The following SLC37A2 variants were observed in gnomAD, a reference collection of about 807,000 sequenced individuals.
SLC37A2 encodes the protein solute carrier family 37 member 2, also known as glucose-6-phosphate exchanger SLC37A2.
In SLC37A2, 59 loss-of-function variants were observed where a neutral mutation model predicts 70.7. The observed-to-expected ratio is 0.83, with a 90% CI of 0.68 to 1.04. The LOEUF is 1.04. SLC37A2 is among the 50% of genes least tolerant of loss of function. SLC37A2 has a pLI of 0.00. For synonymous variants in SLC37A2, 257 were observed against 262.1 expected (o/e 0.98, Z 0.19); for missense variants, 580 against 658.1 (o/e 0.88, Z 1.30).
intron 14 of SLC37A2, 102 bp downstream of exon 14, chr11:125,085,241 G>C (rs1296067879): frequency 7.3e-7 from 1 of 1,365,294 alleles, no homozygotes; most frequent in African/African-American, 1.4e-5. Context: ...CCGCAGAGGA[G>C]AAACCGTCAA....
chr11:125,080,512 T>C lies in SLC37A2; in HGVS notation c.528-102T>C. 8.6e-7 allele frequency: 1 copy of C among 1,165,280 alleles called. No homozygotes were observed. The highest frequency in any genetic ancestry group is 1.1e-6 in the Non-Finnish European group (1 of 879,540). 72.2% of individuals were successfully genotyped at this position (1,165,280 alleles called of 1,614,324 possible). On this transcript the variant is annotated intron_variant, in intron 6 of 17. Coordinates refer to ENST00000403796, the MANE Select transcript of SLC37A2 (RefSeq NM_001145290.2). The surrounding 1 kb of genome is among the most constrained non-coding windows in gnomAD (Gnocchi z 4.3). ...GCTGTCTTTGGTGCCTCGGGGAAGC[T>C]GTAGTCAGCCCAGCTTTAGAGCTTG...
intron 17 of SLC37A2, chr11:125,087,569 T>C (rs6590126): frequency 0.55 from 83,995 of 153,004 alleles, 23,622 homozygotes; most frequent in Middle Eastern, 0.62. Flanking sequence ...ATAAATGGGA[T>C]ATGTGATATT....
In SLC37A2 at chr11:125,077,540, G is replaced by T; in HGVS notation, c.314+12G>T. Reference sequence around the variant, plus strand: ...GGCATGTTCATCAGGTAAGGACAGAGGCTGAGCCTATGACCAAGAGGAGGA... The same window carrying T: ...GGCATGTTCATCAGGTAAGGACAGATGCTGAGCCTATGACCAAGAGGAGGA... On this transcript the variant is annotated intron_variant, in intron 4 of 17. Coordinates refer to ENST00000403796, the MANE Select transcript of SLC37A2 (RefSeq NM_001145290.2). 1 of 1,610,080 alleles carries T rather than the reference G, an allele frequency of 6.2e-7. No individual in the cohort carries two copies. The highest frequency in any genetic ancestry group is 8.5e-7 in the Non-Finnish European group (1 of 1,177,322).
At chr11:125,082,377 C>A in intron 10 of SLC37A2, 43 bp downstream of exon 10, 1 of 1,569,902 alleles carries the variant, frequency 6.4e-7, no homozygotes, top group Non-Finnish European at 8.8e-7. Flanking sequence ...CTGAGGAGGC[C>A]AAGGCTGCCT....
rs187873132 is a variant in SLC37A2, at chr11:125,085,819, C to T, written c.1426-135C>T. ...TTGCTCAGAAGCACTCTCCCTCCCCCGAGTGACCCCTTGCCAAGTGGCAGC... is the reference window on the plus strand; with the variant it reads ...TTGCTCAGAAGCACTCTCCCTCCCCTGAGTGACCCCTTGCCAAGTGGCAGC... On this transcript the variant is annotated intron_variant, in intron 16 of 17. Transcript: ENST00000403796. The T allele has an allele frequency of 1.1e-4, 140 of 1,227,282 alleles. 1 individual carries two copies. Among genetic ancestry groups the T allele is most frequent in the South Asian group, 7.0e-4 (55 of 78,184 alleles). 76.0% of individuals were successfully genotyped at this position (1,227,282 alleles called of 1,614,324 possible).
Position 125,079,731 on chromosome 11 carries a change from C to G in SLC37A2, c.498C>G (p.Thr166=). The change falls in exon 6 of 18, where the codon ACC becomes ACG. Residue 166 remains threonine, a synonymous_variant. Transcript: ENST00000403796. The part of the protein sequence containing the change: ...VQTTGWPSVV[T]CVGNWFGKGK... ...CCACAGGCTGGCCCTCTGTGGTGAC[C>G]TGTGTTGGCAACTGGTTCGGGAAGG... 6.2e-7 allele frequency: 1 copy of G among 1,610,298 alleles called. No individual in the cohort carries two copies. The highest frequency in any genetic ancestry group is 1.1e-5 in the South Asian group (1 of 90,020).
intron 1 of SLC37A2, among the ~76,000 whole-genome samples, chr11:125,072,159 T>TTTTG (rs770000685): frequency 6.6e-6 from 1 of 151,902 alleles, no homozygotes; most frequent in Non-Finnish European, 1.5e-5. Context: ...CTTTTGGGGG[T>TTTTG]TTTGTTTGTT....
In SLC37A2 at chr11:125,089,600, G is replaced by A. The variant is rs560766983; in HGVS notation, c.*1466G>A. ...GGGCCTGCACTCGGAGCAGCCGGCC[G>A]GCCCTTCCGGCCCCGGGCAGTGAGG... On this transcript the variant is annotated 3_prime_UTR_variant, in exon 18 of 18. Transcript: ENST00000403796. 129 of 153,376 alleles carry A rather than the reference G, an allele frequency of 8.4e-4. 2 individuals carry two copies. The South Asian group carries it at 0.025, about 30-fold the overall frequency. 9.5% of individuals were successfully genotyped at this position (153,376 alleles called of 1,614,324 possible). A position where few individuals can be genotyped will look rare whatever the true frequency, so the allele number is the denominator to read the frequency against.
intron 1 of SLC37A2, among the ~76,000 whole-genome samples, chr11:125,065,974 A>T (rs1374720356): frequency 6.6e-6 from 1 of 152,230 alleles, no homozygotes; most frequent in African/African-American, 2.4e-5. Context: ...AGAAAATAGA[A>T]CACTATATCA....
chr11:125,084,756 G>C (rs4936976), intron 12 of SLC37A2, 69 bp from the exon 13 acceptor site: 1,147,485 of 1,533,056 alleles, frequency 0.75, 433,761 homozygotes, highest in East Asian at 0.97. Flanking sequence ...GATGGTTGTT[G>C]CAGACCTCAG....
intron 1 of SLC37A2, among the ~76,000 whole-genome samples, chr11:125,073,525 C>T (rs1356481386): frequency 6.6e-6 from 1 of 152,242 alleles, no homozygotes; most frequent in African/African-American, 2.4e-5. Context: ...CTGGTCTGAA[C>T]ATTGGAAGCA....
chr11:125,088,375 G>A lies in SLC37A2; in HGVS notation c.*241G>A. 1 of 570,312 alleles carries A rather than the reference G, an allele frequency of 1.8e-6. No homozygotes were observed. The highest frequency in any genetic ancestry group is 3.1e-6 in the Non-Finnish European group (1 of 321,110). The allele number at this position is 570,312 out of a possible 1,614,324, so 35.3% of individuals were successfully genotyped here. A position where few individuals can be genotyped will look rare whatever the true frequency, so the allele number is the denominator to read the frequency against. On this transcript the variant is annotated 3_prime_UTR_variant, in exon 18 of 18. Coordinates refer to ENST00000403796, the MANE Select transcript of SLC37A2 (RefSeq NM_001145290.2). ...GAGCTCTGGAAGCTGCAAGCAAAAG[G>A]GATGGGACTAGGGCTGAGTTGTGTC...
intron 16 of SLC37A2, 139 bp downstream of exon 16, chr11:125,085,813 C>T (rs1269641648): frequency 3.2e-6 from 4 of 1,233,094 alleles, no homozygotes; most frequent in African/African-American, 3.0e-5. Flanking sequence ...AGCACTCTCC[C>T]TCCCCCGAGT....
chr11:125,079,059 G>A lies in SLC37A2; in HGVS notation c.315-53G>A, dbSNP rs1949119433. 5.0e-6 allele frequency: 8 copies of A among 1,611,310 alleles called. No individual in the cohort carries two copies. In the South Asian group the frequency reaches 7.7e-5, roughly 16 times the overall value. ...GGTGGGGGCAGAAACATGGTAGGGA[G>A]TTGAGGTGGACACAGAGGAGCTTAA... is the stretch of plus-strand genomic sequence containing the variant. On this transcript the variant is annotated intron_variant, in intron 4 of 17. Coordinates refer to ENST00000403796, the MANE Select transcript of SLC37A2 (RefSeq NM_001145290.2).
chr11:125,065,373 G>A (rs1948970801), intron 1 of SLC37A2, among the ~76,000 whole-genome samples: 1 of 152,172 alleles, frequency 6.6e-6, no homozygotes, highest in African/African-American at 2.4e-5. Flanking sequence ...TTAGCTGGAA[G>A]TTTTCATAAG....
chr11:125,070,318 C>T (rs1190286259), intron 1 of SLC37A2, among the ~76,000 whole-genome samples: 1 of 152,192 alleles, frequency 6.6e-6, no homozygotes, highest in African/African-American at 2.4e-5. Flanking sequence ...CTGAGGAGGA[C>T]GCAGGGGAAA....
At position 125,088,362 on chromosome 11, in the gene SLC37A2, C is replaced by A; in HGVS notation, c.*228C>A. The A allele has an allele frequency of 1.7e-6, 1 of 575,980 alleles. No individual in the cohort carries two copies. The highest frequency in any genetic ancestry group is 2.3e-5 in the South Asian group (1 of 43,688). 35.7% of individuals were successfully genotyped at this position (575,980 alleles called of 1,614,324 possible). A position where few individuals can be genotyped will look rare whatever the true frequency, so the allele number is the denominator to read the frequency against. ...GATTCAGGGGCCTGAGCTCTGGAAGCTGCAAGCAAAAGGGATGGGACTAGG... is the reference window on the plus strand; with the variant it reads ...GATTCAGGGGCCTGAGCTCTGGAAGATGCAAGCAAAAGGGATGGGACTAGG... On this transcript the variant is annotated 3_prime_UTR_variant, in exon 18 of 18. Transcript: ENST00000403796.
Position 125,089,656 on chromosome 11 carries a change from G to T in SLC37A2, c.*1522G>T. ...GGCACCCGGGCCAGCGGCTGCAGAG[G>T]GTGTACTGGGTCCCCCAGCAGTGCC... On this transcript the variant is annotated 3_prime_UTR_variant, in exon 18 of 18. Transcript: ENST00000403796. 1 of 153,180 alleles carries T rather than the reference G, an allele frequency of 6.5e-6. No homozygotes were observed. The highest frequency in any genetic ancestry group is 1.5e-5 in the Non-Finnish European group (1 of 68,726). The allele number at this position is 153,180 out of a possible 1,614,324, so 9.5% of individuals were successfully genotyped here. A position where few individuals can be genotyped will look rare whatever the true frequency, so the allele number is the denominator to read the frequency against.
In SLC37A2 at chr11:125,077,551, T is replaced by C. The variant is rs550004482; in HGVS notation, c.314+23T>C. 71 of 1,600,514 alleles carry C rather than the reference T, an allele frequency of 4.4e-5. 1 individual carries two copies. The South Asian group carries it at 7.3e-4, about 16-fold the overall frequency. ...CAGGTAAGGACAGAGGCTGAGCCTA[T>C]GACCAAGAGGAGGATGGTTTAGAGC... On this transcript the variant is annotated intron_variant, in intron 4 of 17. Coordinates refer to ENST00000403796, the MANE Select transcript of SLC37A2 (RefSeq NM_001145290.2).
Sources: gnomAD v4.1 joint callset for allele counts (sites outside exome capture counted in the v4.1 genomes callset) on GRCh38, gnomAD v4.1.1 for gene constraint, Gnocchi (gnomAD v3.1) non-coding constraint, MANE v1.5 for transcripts, NCBI Gene and HGNC (gene_info 2026-07-23, HGNC 2026-07-21) for gene names.